Variants in CACNA1C observed in about 807,000 individuals in gnomAD.
CACNA1C encodes the protein calcium voltage-gated channel subunit alpha1 C.
In CACNA1C, 30 loss-of-function variants were observed where a neutral mutation model predicts 229.0. The ratio of observed to expected loss-of-function variants is 0.13; its 90% CI spans 0.10 to 0.18. The LOEUF (loss-of-function observed/expected upper bound fraction) is 0.18, where lower values mean the gene tolerates loss of function less well. Among genes scored for constraint, CACNA1C ranks in the 10% least tolerant of loss-of-function variants. The pLI, the probability that CACNA1C is intolerant of heterozygous loss-of-function variation, is 1.00. For missense variants in CACNA1C, 1,658 were observed against 2,845.0 expected, an observed-to-expected ratio of 0.58 and a Z score of 9.49; for synonymous variants, 1,114 against 1,132.5, an observed-to-expected ratio of 0.98 and a Z score of 0.33.
intron 34 of CACNA1C, among the ~76,000 whole-genome samples, chr12:2,656,159 G>A (rs2095410629): frequency 6.6e-6 from 1 of 152,270 alleles, no homozygotes; most frequent in Admixed American, 6.5e-5. Flanking sequence ...AATTTTCTCT[G>A]TTTGCTGATA....
chr12:2,581,097 T>G lies in CACNA1C; in HGVS notation c.1896-493T>G, dbSNP rs7299658. Among the ~76,000 whole-genome samples the G allele has an allele frequency of 1.1e-3, 163 of 152,182 alleles. 1 individual carries two copies. The highest frequency in any genetic ancestry group is 3.8e-3 in the African/African-American group (158 of 41,518). Reference sequence around the variant, plus strand: ...GCTGAGCTCAGACTGGCATTCATGGTGGGGGAAAAAAAGCTTTCTTTCTGT... The same window carrying G: ...GCTGAGCTCAGACTGGCATTCATGGGGGGGGAAAAAAAGCTTTCTTTCTGT... On this transcript the variant is annotated intron_variant, in intron 13 of 46. Coordinates refer to ENST00000399655, the MANE Select transcript of CACNA1C (RefSeq NM_000719.7).
intron 3 of CACNA1C, among the ~76,000 whole-genome samples, chr12:2,207,388 C>G (rs10848637): frequency 6.6e-6 from 1 of 151,974 alleles, no homozygotes; most frequent in African/African-American, 2.4e-5. Context: ...TGTGATAGTT[C>G]TACTATATAA....
At chr12:2,509,360 A>G (rs1052606553) in intron 8 of CACNA1C, among the ~76,000 whole-genome samples, 2 of 152,168 alleles carry the variant, frequency 1.3e-5, no homozygotes, top group African/African-American at 4.8e-5. Context: ...ACCCTTATTC[A>G]TGACGGTTAC....
At chr12:2,459,799 T>C (rs1275518006) in intron 5 of CACNA1C, among the ~76,000 whole-genome samples, 1 of 152,208 alleles carries the variant, frequency 6.6e-6, no homozygotes, top group African/African-American at 2.4e-5. Flanking sequence ...TAATTCCAGA[T>C]GCCAGCCAAC....
intron 3 of CACNA1C, among the ~76,000 whole-genome samples, chr12:2,280,198 A>G (rs565113540): frequency 3.6e-4 from 43 of 119,072 alleles, no homozygotes; most frequent in African/African-American, 8.2e-4. Flanking sequence ...GCTTCGGTTT[A>G]ACCTCTTGAG....
intron 1 of CACNA1C, among the ~76,000 whole-genome samples, chr12:2,086,440 C>T (rs1263140539): frequency 5.9e-5 from 9 of 152,112 alleles, no homozygotes. Flanking sequence ...CCAAGTCATC[C>T]GATTTCTAAT....
rs868314200 is a variant in CACNA1C, at chr12:2,597,840, C to T, written c.2853+551C>T. ...CATACATGCCCACATGCACCAGCTC[C>T]GGTTAACTGATACCTGAGCCCACGT... On this transcript the variant is annotated intron_variant, in intron 21 of 46. Coordinates refer to ENST00000399655, the MANE Select transcript of CACNA1C (RefSeq NM_000719.7). This position sits in a 1 kb window ranked among gnomAD's most constrained non-coding sequence, Gnocchi z 4.3. Among the ~76,000 whole-genome samples, 1 of 152,208 alleles carries T rather than the reference C, an allele frequency of 6.6e-6. No homozygotes were observed. Among genetic ancestry groups the T allele is most frequent in the African/African-American group, 2.4e-5 (1 of 41,452 alleles).
intron 5 of CACNA1C, among the ~76,000 whole-genome samples, chr12:2,466,145 A>T (rs945794576): frequency 6.6e-6 from 1 of 152,156 alleles, no homozygotes; most frequent in Non-Finnish European, 1.5e-5. Flanking sequence ...GGTGCCAGTT[A>T]ATCAGACCCA....
In CACNA1C at chr12:1,980,728, GA is replaced by G. The variant is rs199979972; in HGVS notation, c.139+9534del. On this transcript the variant is annotated intron_variant, in intron 1 of 46. Coordinates refer to the CACNA1C transcript ENST00000682462. ...TTTATTTCGTTGCTTCTATAAAAAT[GA>G]AAAAAAGTTCTTATTTCATTTGCAG... Among the ~76,000 whole-genome samples, 78 of 140,732 alleles carry G rather than the reference GA, an allele frequency of 5.5e-4. 1 individual carries two copies. In the East Asian group the frequency reaches 0.014, roughly 25 times the overall value. 92.3% of individuals were successfully genotyped at this position (140,732 alleles called of 152,430 possible).
intron 1 of CACNA1C, among the ~76,000 whole-genome samples, chr12:2,093,246 A>C (rs1281502732): frequency 6.6e-6 from 1 of 152,142 alleles, no homozygotes; most frequent in African/African-American, 2.4e-5. Flanking sequence ...CTTCCCAGGG[A>C]GGCTAGTGGC....
chr12:2,612,666 G>A (rs1239464181), intron 29 of CACNA1C: 1 of 152,374 alleles, frequency 6.6e-6, no homozygotes. Flanking sequence ...AATGAGGCAG[G>A]GTCAGAATTC....
intron 1 of CACNA1C, among the ~76,000 whole-genome samples, chr12:2,082,554 C>T (rs927706638): frequency 3.3e-5 from 5 of 152,154 alleles, no homozygotes; most frequent in Non-Finnish European, 4.4e-5. Context: ...GGAGCAGGGG[C>T]CCTCTCTCCT....
intron 39 of CACNA1C, 21 bp downstream of exon 39, chr12:2,674,663 C>A (rs772337587): frequency 6.5e-7 from 1 of 1,540,932 alleles, no homozygotes; most frequent in South Asian, 1.2e-5. Context: ...CCTGGACTCC[C>A]GCACCTTGGC....
In CACNA1C at chr12:2,493,964, C is replaced by A. The variant is rs988195611; in HGVS notation, c.1113+578C>A. ...ATGCATTGGCAGCATTTTTACTATT[C>A]CCCAAACATGCTGCTGGTCATGTGA... is the stretch of plus-strand genomic sequence containing the variant. On this transcript the variant is annotated intron_variant, in intron 7 of 46. Transcript: ENST00000399655. This position sits in a 1 kb window ranked among gnomAD's most constrained non-coding sequence, Gnocchi z 4.6. Among the ~76,000 whole-genome samples, 2 of 152,160 alleles carry A rather than the reference C, an allele frequency of 1.3e-5. No homozygotes were observed. The highest frequency in any genetic ancestry group is 2.9e-5 in the Non-Finnish European group (2 of 68,026).
At chr12:2,316,622 A>G (rs2238061) in intron 3 of CACNA1C, among the ~76,000 whole-genome samples, 20,659 of 152,216 alleles carry the variant, frequency 0.14, 1,670 homozygotes, top group African/African-American at 0.22. Flanking sequence ...TAGCATGTAT[A>G]TGGTCACTGA....
At chr12:2,487,633 CTA>C (rs921897316) in intron 6 of CACNA1C, among the ~76,000 whole-genome samples, 3 of 151,540 alleles carry the variant, frequency 2.0e-5, no homozygotes, top group Non-Finnish European at 4.4e-5. Flanking sequence ...TTTTTTCACT[CTA>C]GAGAGAATTT....
upstream of CACNA1C, among the ~76,000 whole-genome samples, chr12:2,050,423 A>G (rs1483213918): frequency 6.6e-6 from 1 of 152,192 alleles, no homozygotes; most frequent in Non-Finnish European, 1.5e-5. Flanking sequence ...TAAAGGCTGT[A>G]AAGGGCCTAT....
chr12:2,665,519 G>C lies in CACNA1C; in HGVS notation c.4399-62G>C. ...TCAGTAGGCCCCAGCTGGCAAGGGG[G>C]TTCCAGAGGCAGGTGTGTAGGAAGG... On this transcript the variant is annotated intron_variant, in intron 35 of 46. Transcript: ENST00000399655. The surrounding 1 kb of genome is among the most constrained non-coding windows in gnomAD (Gnocchi z 5.9). The C allele has an allele frequency of 1.3e-5, 20 of 1,592,690 alleles. No individual in the cohort carries two copies. The highest frequency in any genetic ancestry group is 3.8e-4 in the Middle Eastern group (2 of 5,314).
At chr12:2,564,769 T>C (rs2049412849) in intron 11 of CACNA1C, among the ~76,000 whole-genome samples, 1 of 152,214 alleles carries the variant, frequency 6.6e-6, no homozygotes, top group African/African-American at 2.4e-5. Context: ...CTCTGTGTCA[T>C]CTTTTCCATT....
Sources: allele counts gnomAD v4.1 joint callset (sites outside exome capture counted in the v4.1 genomes callset), GRCh38; gene constraint gnomAD v4.1.1; non-coding constraint Gnocchi (gnomAD v3.1); transcripts MANE v1.5; gene names NCBI Gene and HGNC (gene_info 2026-07-23, HGNC 2026-07-21).